Variants in ADARB2 observed in about 807,000 individuals in gnomAD.
ADARB2 encodes inactive double-stranded RNA-specific editase B2.
ADARB2 carries 25 observed loss-of-function variants against 62.2 expected under a neutral mutation model. The ratio of observed to expected loss-of-function variants is 0.40; its 90% CI spans 0.29 to 0.56. The LOEUF (loss-of-function observed/expected upper bound fraction) is 0.56, where lower values mean the gene tolerates loss of function less well. Among genes scored for constraint, ADARB2 ranks in the 20% least tolerant of loss-of-function variants. The pLI is 0.43. For synonymous variants in ADARB2, 572 were observed against 500.8 expected (o/e 1.14, Z -1.90); for missense variants, 1,071 against 1,077.4 (o/e 0.99, Z 0.08).
chr10:1,233,046 A>G (rs537082220), intron 6 of ADARB2, among the ~76,000 whole-genome samples: 58 of 152,224 alleles, frequency 3.8e-4, no homozygotes, highest in African/African-American at 1.1e-3. Flanking sequence ...CTTTTCTTTT[A>G]TCATGGAGTT....
chr10:1,415,496 C>CAATGACAACT (rs1554761255), intron 1 of ADARB2, among the ~76,000 whole-genome samples: 100,084 of 151,816 alleles, frequency 0.66, 35,386 homozygotes, highest in Middle Eastern at 0.82. Context: ...ATGAGTTGGC[C>CAATGACAACT]AGATAAACAC....
chr10:1,652,296 T>A (rs114654577), intron 1 of ADARB2, among the ~76,000 whole-genome samples: 2,493 of 152,298 alleles, frequency 0.016, 64 homozygotes, highest in African/African-American at 0.052. Context: ...GAGCACCCAC[T>A]GTGCACCGGC....
At chr10:1,356,925 A>C (rs1832201276) in intron 3 of ADARB2, among the ~76,000 whole-genome samples, 1 of 152,272 alleles carries the variant, frequency 6.6e-6, no homozygotes, top group East Asian at 1.9e-4. Context: ...CTTCTCCCTG[A>C]GTTACACACT....
intron 3 of ADARB2, among the ~76,000 whole-genome samples, chr10:1,294,173 T>C (rs1051220138): frequency 6.6e-6 from 1 of 152,190 alleles, no homozygotes; most frequent in East Asian, 1.9e-4. Flanking sequence ...TTTTCCACCA[T>C]TGAAGATGAG....
chr10:1,514,451 A>C (rs1002261031), intron 1 of ADARB2, among the ~76,000 whole-genome samples: 18 of 152,016 alleles, frequency 1.2e-4, no homozygotes, highest in African/African-American at 3.6e-4. Flanking sequence ...GGTACTGAGT[A>C]TGTTTTTTGA....
intron 1 of ADARB2, among the ~76,000 whole-genome samples, chr10:1,399,171 G>T (rs1832641072): frequency 1.3e-5 from 2 of 152,194 alleles, no homozygotes; most frequent in South Asian, 2.1e-4. Context: ...GCCTACAGGG[G>T]CCAATGGCAG....
chr10:1,264,473 C>T (rs972581299), intron 4 of ADARB2, among the ~76,000 whole-genome samples: 6 of 152,198 alleles, frequency 3.9e-5, no homozygotes, highest in African/African-American at 1.4e-4. Flanking sequence ...TTTAAACTGT[C>T]ATGGTTTCTA....
chr10:1,333,794 C>T (rs1289491483), intron 3 of ADARB2, among the ~76,000 whole-genome samples: 2 of 152,180 alleles, frequency 1.3e-5, no homozygotes, highest in African/African-American at 2.4e-5. Context: ...TGCCTGTGCC[C>T]TCGGTTCATC....
intron 1 of ADARB2, among the ~76,000 whole-genome samples, chr10:1,586,704 T>G (rs1833185352): frequency 6.6e-6 from 1 of 152,210 alleles, no homozygotes. Flanking sequence ...GAGAATAGAT[T>G]CCTGGATTCT....
intron 1 of ADARB2, among the ~76,000 whole-genome samples, chr10:1,497,441 A>G (rs928403149): frequency 6.6e-6 from 1 of 152,258 alleles, no homozygotes; most frequent in African/African-American, 2.4e-5. Context: ...CAGAAAACAC[A>G]TGTTCATTTG....
At position 1,604,882 on chromosome 10, in the gene ADARB2, A is replaced by G. The variant is rs142879073; in HGVS notation, c.100+132169T>C. ...TGTGCATGAAGCTCTGAGCAATACTACAAGTGTCTCCCAATTTTATCATTT... is the reference window on the plus strand; with the variant it reads ...TGTGCATGAAGCTCTGAGCAATACTGCAAGTGTCTCCCAATTTTATCATTT... On this transcript the variant is annotated intron_variant, in intron 1 of 9. Transcript: ENST00000381312. 2.1e-3 allele frequency among the ~76,000 whole-genome samples: 324 copies of G among 152,346 alleles called. 2 individuals are homozygous for G. The highest frequency in any genetic ancestry group is 7.5e-3 in the African/African-American group (313 of 41,582).
At chr10:1,650,391 C>A (rs180794070) in intron 1 of ADARB2, among the ~76,000 whole-genome samples, 1 of 152,104 alleles carries the variant, frequency 6.6e-6, no homozygotes, top group Non-Finnish European at 1.5e-5. Flanking sequence ...TTTGCTAGGA[C>A]CTTTGACAAG....
At position 1,183,061 on chromosome 10, in the gene ADARB2, GCA is replaced by G. The variant is rs1348745912; in HGVS notation, c.*130_*131del. On this transcript the variant is annotated 3_prime_UTR_variant, in exon 10 of 10. Transcript: ENST00000381312. ...TTGTGTTGTTGCTCGTCCAAACATTGCACACTCGCGTGTTTCTGGGACACCAA... is the reference window on the plus strand; with the variant it reads ...TTGTGTTGTTGCTCGTCCAAACATTGCACTCGCGTGTTTCTGGGACACCAA... The G allele has an allele frequency of 6.3e-5, 64 of 1,019,066 alleles. No homozygotes were observed. Among genetic ancestry groups the G allele is most frequent in the Non-Finnish European group, 3.5e-5 (25 of 707,524 alleles). 63.1% of individuals were successfully genotyped at this position (1,019,066 alleles called of 1,614,324 possible).
chr10:1,405,422 G>C (rs1439832006), intron 1 of ADARB2, among the ~76,000 whole-genome samples: 1 of 152,058 alleles, frequency 6.6e-6, no homozygotes, highest in East Asian at 1.9e-4. Context: ...ATGTGGTCAG[G>C]AGTTCGGGAC....
At chr10:1,254,802 T>G (rs928800323) in intron 4 of ADARB2, among the ~76,000 whole-genome samples, 1 of 152,208 alleles carries the variant, frequency 6.6e-6, no homozygotes, top group Non-Finnish European at 1.5e-5. Context: ...GTTGCACACA[T>G]ATGGTGCTCA....
rs587643035 is a variant in ADARB2 at position 1,265,908 on chromosome 10, C to T, written c.1192+5047G>A. ...GGGGGGCCCAGGGTCCCCCGGAAGA[C>T]GGCCTGAGCCAGGTCCACGCTCCCC... On this transcript the variant is annotated intron_variant, in intron 4 of 9. Transcript: ENST00000381312. Among the ~76,000 whole-genome samples the T allele has an allele frequency of 5.2e-5, 6 of 115,952 alleles. No individual in the cohort carries two copies. The East Asian group carries it at 1.4e-3, about 27-fold the overall frequency. The allele number at this position is 115,952 out of a possible 152,430, so 76.1% of individuals were successfully genotyped here. A position where few individuals can be genotyped will look rare whatever the true frequency, so the allele number is the denominator to read the frequency against.
chr10:1,480,063 C>CAA (rs34518044), intron 1 of ADARB2, among the ~76,000 whole-genome samples: 196 of 150,658 alleles, frequency 1.3e-3, no homozygotes, highest in Middle Eastern at 3.4e-3. Flanking sequence ...ATATACAAAA[C>CAA]AAAAAAAAAC....
rs542659636 is a variant in ADARB2, at chr10:1,425,436, A to G, written c.101-46276T>C. 2.6e-5 allele frequency among the ~76,000 whole-genome samples: 4 copies of G among 152,352 alleles called. No homozygotes were observed. The South Asian group carries it at 6.2e-4, about 24-fold the overall frequency. ...GCTCAACAAATGTTGCTTTGATTGAATCAATTCAAGTTTGTATCCTTCAAG... is the reference window on the plus strand; with the variant it reads ...GCTCAACAAATGTTGCTTTGATTGAGTCAATTCAAGTTTGTATCCTTCAAG... On this transcript the variant is annotated intron_variant, in intron 1 of 9. Coordinates refer to ENST00000381312, the MANE Select transcript of ADARB2 (RefSeq NM_018702.4).
intron 3 of ADARB2, among the ~76,000 whole-genome samples, chr10:1,276,394 G>T (rs965126168): frequency 6.6e-6 from 1 of 152,110 alleles, no homozygotes; most frequent in Admixed American, 6.5e-5. Context: ...GTTCATTGTA[G>T]ATTCTGGATA....
Sources: gnomAD v4.1 joint callset for allele counts (sites outside exome capture counted in the v4.1 genomes callset) on GRCh38, gnomAD v4.1.1 for gene constraint, MANE v1.5 for transcripts, NCBI Gene and HGNC (gene_info 2026-07-23, HGNC 2026-07-21) for gene names.